Variants in DNAH12 observed in about 807,000 individuals in gnomAD.
The protein encoded by DNAH12 is axonemal beta dynein heavy chain 12.
DNAH12 carries 285 observed loss-of-function variants against 371.5 expected under a neutral mutation model. The ratio of observed to expected loss-of-function variants is 0.77; its 90% CI spans 0.70 to 0.85. DNAH12 has a LOEUF of 0.85. Among genes scored for constraint, DNAH12 ranks in the 40% least tolerant of loss-of-function variants. The pLI is 0.00. For missense variants in DNAH12, 3,611 were observed against 3,689.4 expected (o/e 0.98, Z 0.55); for synonymous variants, 1,200 against 1,213.0 (o/e 0.99, Z 0.22).
At chr3:57,421,820 G>C (rs538108863) in intron 35 of DNAH12, 114 bp from the exon 36 acceptor site, 1 of 1,167,136 alleles carries the variant, frequency 8.6e-7, no homozygotes, top group Non-Finnish European at 1.2e-6. Context: ...GAACAAGGTC[G>C]TAAGTGTAAA....
At chr3:57,426,793 C>T (rs1197943289) in intron 34 of DNAH12, among the ~76,000 whole-genome samples, 15 of 146,802 alleles carry the variant, frequency 1.0e-4, no homozygotes, top group Admixed American at 7.6e-4. Flanking sequence ...AGTGCCACTG[C>T]ACTCCAGCCT....
intron 68 of DNAH12, 24 bp from the exon 69 acceptor site, chr3:57,309,278 C>A: frequency 6.6e-7 from 1 of 1,509,942 alleles, no homozygotes; most frequent in Non-Finnish European, 8.9e-7. Flanking sequence ...TTTTGAAGAT[C>A]ACAAATTATT....
Position 57,445,439 on chromosome 3 carries a change from A to C in DNAH12, c.4180-20T>G, listed in dbSNP as rs780046109. 6.7e-7 allele frequency: 1 copy of C among 1,492,006 alleles called. No individual in the cohort carries two copies. The highest frequency in any genetic ancestry group is 2.5e-5 in the Admixed American group (1 of 39,232). The allele number at this position is 1,492,006 out of a possible 1,614,324, so 92.4% of individuals were successfully genotyped here. On this transcript the variant is annotated intron_variant, in intron 27 of 73. Transcript: ENST00000495027. ...AAGAACCTGAAGTATAAAATAAATG[A>C]AATATATTACGTACATAAATGAAGC... is the stretch of plus-strand genomic sequence containing the variant.
intron 4 of DNAH12, among the ~76,000 whole-genome samples, chr3:57,517,809 G>C (rs969510121): frequency 3.3e-5 from 5 of 151,268 alleles, no homozygotes; most frequent in African/African-American, 1.2e-4. Flanking sequence ...CACTTTGCGA[G>C]GTAGAAGCAG....
chr3:57,505,271 C>T (rs1410061962), intron 8 of DNAH12, among the ~76,000 whole-genome samples: 1 of 135,368 alleles, frequency 7.4e-6, no homozygotes, highest in African/African-American at 2.7e-5. Flanking sequence ...TCTCCCACTA[C>T]CTTTCCCAGC....
intron 70 of DNAH12, 28 bp from the exon 71 acceptor site, chr3:57,297,012 G>A: frequency 6.5e-7 from 1 of 1,549,212 alleles, no homozygotes; most frequent in Non-Finnish European, 8.7e-7. Context: ...AACACATTAT[G>A]TCAGTTTTTA....
At chr3:57,294,037 CTATT>C in intron 73 of DNAH12, 66 bp from the exon 74 acceptor site, 2 of 1,319,998 alleles carry the variant, frequency 1.5e-6, no homozygotes, top group Non-Finnish European at 2.0e-6. Context: ...ACGAAAAGAA[CTATT>C]TATCTTGTAA....
Position 57,360,487 on chromosome 3 carries a change from G to A in DNAH12, c.9360+3107C>T, listed in dbSNP as rs948987945. ...GCGGATCACCTGAGGTTGGGAGTTC[G>A]AGACCAGCCTGACCAACATGGAGAA... On this transcript the variant is annotated intron_variant, in intron 58 of 73. Transcript: ENST00000495027. Among the ~76,000 whole-genome samples, 76 of 152,098 alleles carry A rather than the reference G, an allele frequency of 5.0e-4. 1 individual carries two copies. Among genetic ancestry groups the A allele is most frequent in the African/African-American group, 1.8e-3 (75 of 41,498 alleles).
intron 49 of DNAH12, among the ~76,000 whole-genome samples, chr3:57,383,789 A>G (rs1342637840): frequency 1.3e-4 from 20 of 151,804 alleles, no homozygotes; most frequent in Admixed American, 1.3e-3. Context: ...AAAAGAAAAG[A>G]AAAAAAGTAC....
At chr3:57,310,461 G>A (rs1394842178) in intron 67 of DNAH12, among the ~76,000 whole-genome samples, 1 of 151,944 alleles carries the variant, frequency 6.6e-6, no homozygotes, top group Non-Finnish European at 1.5e-5. Flanking sequence ...AGCCTAAGAG[G>A]GTAAAGTTTT....
At chr3:57,451,538 TGAG>T (rs2065754812) in intron 25 of DNAH12, among the ~76,000 whole-genome samples, 1 of 152,160 alleles carries the variant, frequency 6.6e-6, no homozygotes, top group Admixed American at 6.5e-5. Context: ...CTTAGGAGGC[TGAG>T]GTAGGAGGAT....
At chr3:57,473,447 C>G (rs1240401973) in intron 13 of DNAH12, among the ~76,000 whole-genome samples, 1 of 151,554 alleles carries the variant, frequency 6.6e-6, no homozygotes, top group Non-Finnish European at 1.5e-5. Flanking sequence ...GATTGTGCCA[C>G]TGCACTCCAG....
intron 46 of DNAH12, 22 bp from the exon 47 acceptor site, chr3:57,386,625 T>C (rs2063504335): frequency 2.0e-5 from 3 of 152,200 alleles, no homozygotes; most frequent in African/African-American, 7.2e-5. Context: ...GCAGGTAACA[T>C]AGCTCACTTT....
At chr3:57,541,550 C>A (rs1031921546) in intron 2 of DNAH12, among the ~76,000 whole-genome samples, 1 of 151,076 alleles carries the variant, frequency 6.6e-6, no homozygotes, top group Non-Finnish European at 1.5e-5. Context: ...TTTTTTATAG[C>A]GATGAGGGTC....
intron 53 of DNAH12, among the ~76,000 whole-genome samples, chr3:57,376,529 T>A (rs2153339468): frequency 6.6e-6 from 1 of 152,260 alleles, no homozygotes; most frequent in African/African-American, 2.4e-5. Context: ...ATGAATAGAA[T>A]AAATGAAACA....
At chr3:57,341,496 C>T (rs1329417567) in intron 60 of DNAH12, among the ~76,000 whole-genome samples, 3 of 151,588 alleles carry the variant, frequency 2.0e-5, no homozygotes, top group Non-Finnish European at 4.4e-5. Flanking sequence ...ATTCCATCTG[C>T]AAAAATTACA....
chr3:57,367,430 T>C (rs988552739), intron 56 of DNAH12, among the ~76,000 whole-genome samples: 69 of 152,342 alleles, frequency 4.5e-4, no homozygotes, highest in African/African-American at 1.5e-3. Context: ...ATATAGGACA[T>C]TTTCTCTGGT....
chr3:57,353,606 A>G (rs967303341), intron 59 of DNAH12, among the ~76,000 whole-genome samples: 7 of 152,218 alleles, frequency 4.6e-5, no homozygotes, highest in African/African-American at 1.7e-4. Context: ...ACACAATGGG[A>G]GAAAATATTT....
At position 57,418,996 on chromosome 3, in the gene DNAH12, T is replaced by C. The variant is rs530505935; in HGVS notation, c.5714+371A>G. On this transcript the variant is annotated intron_variant, in intron 37 of 73. Coordinates refer to ENST00000495027, the MANE Select transcript of DNAH12 (RefSeq NM_001366028.2). ...ACTGGCATAGGACATAGGTGAAAAA[T>C]GCTAAATGTAATAGGAGAATGTGGA... Among the ~76,000 whole-genome samples, 45 of 152,298 alleles carry C rather than the reference T, an allele frequency of 3.0e-4. No individual in the cohort carries two copies. The South Asian group carries it at 7.9e-3, about 27-fold the overall frequency.
Sources: allele counts gnomAD v4.1 joint callset (sites outside exome capture counted in the v4.1 genomes callset), GRCh38; gene constraint gnomAD v4.1.1; transcripts MANE v1.5; gene names NCBI Gene and HGNC (gene_info 2026-07-23, HGNC 2026-07-21).